Variants in NMD3 observed in about 807,000 individuals in gnomAD.
The protein encoded by NMD3 is NMD3 ribosome export adaptor.
In NMD3, 47 loss-of-function variants were observed where a neutral mutation model predicts 73.1. The ratio of observed to expected loss-of-function variants is 0.64; its 90% CI spans 0.51 to 0.82. The LOEUF (loss-of-function observed/expected upper bound fraction) is 0.82. Among genes scored for constraint, NMD3 ranks in the 40% least tolerant of loss-of-function variants. The pLI is 0.00. For synonymous variants in NMD3, 210 were observed against 194.5 expected (o/e 1.08, Z -0.66); for missense variants, 554 against 612.5 (o/e 0.90, Z 1.01).
chr3:161,228,373 C>T (rs1478733114), intron 4 of NMD3, among the ~76,000 whole-genome samples: 4 of 151,974 alleles, frequency 2.6e-5, no homozygotes, highest in South Asian at 2.1e-4. Flanking sequence ...TTTTAAAAAA[C>T]CTTTTTGGTT....
intron 2 of NMD3, among the ~76,000 whole-genome samples, chr3:161,223,771 A>G (rs1026650738): frequency 2.6e-5 from 4 of 152,184 alleles, no homozygotes; most frequent in Non-Finnish European, 2.9e-5. Flanking sequence ...CATATTCTTG[A>G]TACAGGATTT....
chr3:161,249,762 A>C (rs1737405372), intron 14 of NMD3: 1 of 590,712 alleles, frequency 1.7e-6, no homozygotes, highest in Non-Finnish European at 3.0e-6. Context: ...TTCCTGGTTT[A>C]TGACCTAATA....
Position 161,238,254 on chromosome 3 carries a change from T to C in NMD3, c.656+63T>C, listed in dbSNP as rs1198103333. On this transcript the variant is annotated intron_variant, in intron 8 of 15. Transcript: ENST00000351193. ...CTTGGGAATGGATGCGGATCACATA[T>C]ATTCTTCAGGCTCAGACAACTTCTC... 7.1e-6 allele frequency: 7 copies of C among 983,332 alleles called. No individual in the cohort carries two copies. The South Asian group carries it at 7.2e-5, about 10-fold the overall frequency. The allele number at this position is 983,332 out of a possible 1,614,324, so 60.9% of individuals were successfully genotyped here. A position where few individuals can be genotyped will look rare whatever the true frequency, so the allele number is the denominator to read the frequency against.
At chr3:161,234,940 G>A (rs1055738782) in intron 6 of NMD3, 85 bp downstream of exon 6, 1 of 1,388,924 alleles carries the variant, frequency 7.2e-7, no homozygotes, top group African/African-American at 1.4e-5. Flanking sequence ...TAAATCCAGG[G>A]ATAGTCTGGG....
downstream of NMD3, among the ~76,000 whole-genome samples, chr3:161,252,495 C>G (rs1737530262): frequency 1.3e-5 from 2 of 152,098 alleles, no homozygotes; most frequent in Non-Finnish European, 2.9e-5. Context: ...ATTGAAACTT[C>G]TTGGTTGAAA....
intron 14 of NMD3, 124 bp downstream of exon 14, chr3:161,249,684 C>A (rs770140140): frequency 1.4e-6 from 1 of 708,644 alleles, no homozygotes; most frequent in South Asian, 1.6e-5. Context: ...ATCTTGGATT[C>A]TTATCAAGGT....
chr3:161,248,165 C>T (rs1208413462), intron 13 of NMD3, among the ~76,000 whole-genome samples: 3 of 151,930 alleles, frequency 2.0e-5, no homozygotes, highest in South Asian at 2.1e-4. Context: ...TTTTCATTCT[C>T]GATCAAAATA....
chr3:161,242,171 T>C (rs1436277313), intron 10 of NMD3, among the ~76,000 whole-genome samples: 1 of 152,154 alleles, frequency 6.6e-6, no homozygotes, highest in East Asian at 1.9e-4. Flanking sequence ...ACTAAGCAGC[T>C]AAGGTGACAG....
chr3:161,235,625 G>C (rs990980004), intron 7 of NMD3, among the ~76,000 whole-genome samples: 1 of 152,100 alleles, frequency 6.6e-6, no homozygotes, highest in Non-Finnish European at 1.5e-5. Context: ...TTTCTACCTA[G>C]CATTTAATTA....
Position 161,249,565 on chromosome 3 carries a change from CGCTTT to C in NMD3, c.1310+6_1310+10del. 6.5e-7 allele frequency: 1 copy of C among 1,548,398 alleles called. No individual in the cohort carries two copies. The highest frequency in any genetic ancestry group is 8.9e-7 in the Non-Finnish European group (1 of 1,121,938). On this transcript the variant is annotated splice_donor_region_variant and intron_variant, in intron 14 of 15. Transcript: ENST00000351193. ...CATGGATACAGATGATGAAAGGTCT[CGCTTT>C]TCTTTAAATCTCTTATGTTGTCTCA...
chr3:161,226,560 G>A (rs2108075863), intron 3 of NMD3, among the ~76,000 whole-genome samples: 1 of 152,310 alleles, frequency 6.6e-6, no homozygotes, highest in East Asian at 1.9e-4. Context: ...TTTCTGTTAT[G>A]TAACAAGTAT....
chr3:161,221,510 C>CGCGA (rs111844028), intron 1 of NMD3, 101 bp downstream of exon 1: 3,511 of 152,584 alleles, frequency 0.023, 95 homozygotes, highest in East Asian at 0.08. Context: ...TCTGCGTGAG[C>CGCGA]GCCGCGTGCC....
At position 161,249,338 on chromosome 3, in the gene NMD3, T is replaced by C. The variant is rs1737381938; in HGVS notation, c.1204-116T>C. On this transcript the variant is annotated intron_variant, in intron 13 of 15. Transcript: ENST00000351193. ...GACACTGTCTCTCCATCCCTTCTCC[T>C]TTCTCCTGAGGTGTAACCAGTGTCA... 4.9e-6 allele frequency: 3 copies of C among 612,786 alleles called. No homozygotes were observed. In the East Asian group the frequency reaches 8.8e-5, roughly 18 times the overall value. 38.0% of individuals were successfully genotyped at this position (612,786 alleles called of 1,614,324 possible). A position where few individuals can be genotyped will look rare whatever the true frequency, so the allele number is the denominator to read the frequency against.
intron 11 of NMD3, 126 bp downstream of exon 11, chr3:161,242,779 GA>G: frequency 1.4e-6 from 1 of 705,850 alleles, no homozygotes; most frequent in Admixed American, 3.3e-5. Context: ...ACCACATTAG[GA>G]AAAAAATTCT....
chr3:161,228,802 G>T (rs1437895592), intron 4 of NMD3, among the ~76,000 whole-genome samples: 2 of 152,110 alleles, frequency 1.3e-5, no homozygotes, highest in Non-Finnish European at 2.9e-5. Context: ...TGCCAGTGTG[G>T]AGCAGCATGT....
At chr3:161,248,592 TAAG>T (rs1254299755) in intron 13 of NMD3, among the ~76,000 whole-genome samples, 1 of 152,214 alleles carries the variant, frequency 6.6e-6, no homozygotes, top group Non-Finnish European at 1.5e-5. Flanking sequence ...ATTGTTCAGT[TAAG>T]AAGGCATTTA....
intron 4 of NMD3, among the ~76,000 whole-genome samples, chr3:161,228,784 C>T (rs1273444656): frequency 6.6e-6 from 1 of 152,140 alleles, no homozygotes; most frequent in African/African-American, 2.4e-5. Context: ...TCTAATTGCA[C>T]ACTAACATGC....
rs750135708 is a variant in NMD3, at chr3:161,246,368, A to T, written c.1050A>T (p.Thr350=). The change falls in exon 12 of 16, where the codon ACA becomes ACT. Residue 350 remains threonine (T), a synonymous_variant. Transcript: ENST00000351193. ...TCGGGGAAGTCTGGGTACAGAAGAC[A>T]TCTGAAATGAATACAGATAAACAGT... ...HTLGEVWVQK[T]SEMNTDKQYF... is the part of the protein sequence containing the mutation. 1 of 1,505,514 alleles carries T rather than the reference A, an allele frequency of 6.6e-7. No individual in the cohort carries two copies. Among genetic ancestry groups the T allele is most frequent in the South Asian group, 1.3e-5 (1 of 74,370 alleles). The allele number at this position is 1,505,514 out of a possible 1,614,324, so 93.3% of individuals were successfully genotyped here.
At chr3:161,226,471 C>T (rs952983662) in intron 3 of NMD3, among the ~76,000 whole-genome samples, 1 of 151,758 alleles carries the variant, frequency 6.6e-6, no homozygotes, top group Admixed American at 6.6e-5. Flanking sequence ...AAAAAAAATA[C>T]GAAATAAATA....
Sources: gnomAD v4.1 joint callset for allele counts (sites outside exome capture counted in the v4.1 genomes callset) on GRCh38, gnomAD v4.1.1 for gene constraint, MANE v1.5 for transcripts, NCBI Gene and HGNC (gene_info 2026-07-23, HGNC 2026-07-21) for gene names.